FRMD5: variants seen among roughly 807,000 people sequenced by gnomAD.
FRMD5 encodes the protein FERM domain containing 5, also known as FERM domain-containing protein 5.
FRMD5 carries 20 observed loss-of-function variants against 69.0 expected under a neutral mutation model. That is an observed-to-expected ratio of 0.29 (90% CI 0.20 to 0.42). The LOEUF is 0.42. Among genes scored for constraint, FRMD5 ranks in the 10% least tolerant of loss-of-function variants. FRMD5 has a pLI of 1.00. For missense variants in FRMD5, 595 were observed against 708.6 expected (o/e 0.84, Z 1.82); for synonymous variants, 271 against 260.1 (o/e 1.04, Z -0.40).
At chr15:44,008,558 G>A (rs1890565663) in intron 1 of FRMD5, among the ~76,000 whole-genome samples, 3 of 151,868 alleles carry the variant, frequency 2.0e-5, no homozygotes, top group South Asian at 2.1e-4. Flanking sequence ...GAACCACCGC[G>A]CCCGGCCACA....
At chr15:44,146,433 T>C (rs1376617430) in intron 1 of FRMD5, among the ~76,000 whole-genome samples, 1 of 152,220 alleles carries the variant, frequency 6.6e-6, no homozygotes, top group Non-Finnish European at 1.5e-5. Flanking sequence ...TCTTCGCTAT[T>C]GTGACTAGTG....
chr15:43,948,976 T>C (rs2089987033), intron 1 of FRMD5, among the ~76,000 whole-genome samples: 1 of 152,250 alleles, frequency 6.6e-6, no homozygotes, highest in South Asian at 2.1e-4. Context: ...CTCATTAAGT[T>C]CAAATCATAT....
At chr15:43,875,390 A>G (rs113446973) in intron 13 of FRMD5, among the ~76,000 whole-genome samples, 6,601 of 124,480 alleles carry the variant, frequency 0.053, 714 homozygotes, top group African/African-American at 0.2. Flanking sequence ...ATATATATAT[A>G]TATGTATGTA....
chr15:43,880,265 GTC>G (rs1443779237), intron 13 of FRMD5, among the ~76,000 whole-genome samples: 1 of 152,198 alleles, frequency 6.6e-6, no homozygotes, highest in African/African-American at 2.4e-5. Context: ...AGAAAAGAAA[GTC>G]TTTGGTGGAG....
intron 1 of FRMD5, among the ~76,000 whole-genome samples, chr15:44,083,461 C>G (rs1894072412): frequency 6.6e-6 from 1 of 152,016 alleles, no homozygotes; most frequent in Non-Finnish European, 1.5e-5. Context: ...CATTCATAGT[C>G]TGGAACAATT....
chr15:44,079,626 C>G (rs1893915695), intron 1 of FRMD5, among the ~76,000 whole-genome samples: 1 of 152,098 alleles, frequency 6.6e-6, no homozygotes, highest in African/African-American at 2.4e-5. Flanking sequence ...CCCAAAAGAA[C>G]TGAAAGCAGG....
At chr15:43,912,252 C>T (rs2140423824) in intron 4 of FRMD5, among the ~76,000 whole-genome samples, 1 of 152,254 alleles carries the variant, frequency 6.6e-6, no homozygotes, top group East Asian at 1.9e-4. Flanking sequence ...AAGAACCCAT[C>T]CCCTCACTCC....
chr15:43,873,788 A>G lies in FRMD5; in HGVS notation c.*97T>C. 6.5e-7 allele frequency: 1 copy of G among 1,545,072 alleles called. No homozygotes were observed. Among genetic ancestry groups the G allele is most frequent in the Non-Finnish European group, 8.7e-7 (1 of 1,147,366 alleles). On this transcript the variant is annotated 3_prime_UTR_variant, in exon 14 of 14. Coordinates refer to ENST00000417257, the MANE Select transcript of FRMD5 (RefSeq NM_032892.5). Reference sequence around the variant, plus strand: ...TTGAGTCATGAGAGGAGGACTTGGTATATGTGCCGATGGTTCCGCGATGGG... The same window carrying G: ...TTGAGTCATGAGAGGAGGACTTGGTGTATGTGCCGATGGTTCCGCGATGGG...
At chr15:44,192,158 G>C (rs1307136394) in intron 1 of FRMD5, among the ~76,000 whole-genome samples, 1 of 151,766 alleles carries the variant, frequency 6.6e-6, no homozygotes, top group Non-Finnish European at 1.5e-5. Flanking sequence ...GGTAACTGTG[G>C]CAACCTTCAT....
intron 1 of FRMD5, among the ~76,000 whole-genome samples, chr15:43,973,454 G>A (rs922938500): frequency 1.0e-4 from 15 of 150,082 alleles, no homozygotes; most frequent in Admixed American, 2.7e-4. Context: ...TGGAACCTCC[G>A]CCTCCCAGGT....
chr15:43,976,901 G>A (rs547144156), intron 1 of FRMD5, among the ~76,000 whole-genome samples: 1 of 151,706 alleles, frequency 6.6e-6, no homozygotes, highest in Non-Finnish European at 1.5e-5. Flanking sequence ...CGTGATTTCA[G>A]CTCACTGCAA....
chr15:43,888,053 G>A (rs763697587), intron 10 of FRMD5, 122 bp downstream of exon 10: 1 of 688,882 alleles, frequency 1.5e-6, no homozygotes, highest in Non-Finnish European at 2.5e-6. Context: ...CTCAGTAACT[G>A]TCAAGCTCTT....
intron 1 of FRMD5, among the ~76,000 whole-genome samples, chr15:44,039,354 C>G (rs1892081748): frequency 6.6e-6 from 1 of 152,222 alleles, no homozygotes; most frequent in Non-Finnish European, 1.5e-5. Flanking sequence ...AAGTGGGTCC[C>G]TGACCCCTGT....
intron 1 of FRMD5, chr15:44,194,355 A>C: frequency 6.4e-6 from 1 of 155,884 alleles, no homozygotes; most frequent in Non-Finnish European, 1.4e-5. Flanking sequence ...AAATTTGGGG[A>C]TCAAAAGGCG....
rs572146674 is a variant in FRMD5 at position 43,898,765 on chromosome 15, C to T, written c.639+3410G>A. Among the ~76,000 whole-genome samples the T allele has an allele frequency of 2.6e-3, 393 of 152,288 alleles. 1 individual carries two copies. The highest frequency in any genetic ancestry group is 3.8e-3 in the Non-Finnish European group (256 of 68,022). On this transcript the variant is annotated intron_variant, in intron 7 of 13. Coordinates refer to ENST00000417257, the MANE Select transcript of FRMD5 (RefSeq NM_032892.5). Reference sequence around the variant, plus strand: ...CAGCTGTAGGCTTGGGCTGCTGGGGCTCCCGCCAGGAGTTGAGGGCTGAGG... The same window carrying T: ...CAGCTGTAGGCTTGGGCTGCTGGGGTTCCCGCCAGGAGTTGAGGGCTGAGG...
At chr15:44,000,459 A>ATT (rs758023840) in intron 1 of FRMD5, among the ~76,000 whole-genome samples, 9 of 138,480 alleles carry the variant, frequency 6.5e-5, no homozygotes, top group East Asian at 2.1e-4. Context: ...TGGTAGTTCT[A>ATT]TTTTTTTTTT....
chr15:44,038,095 C>A (rs1892005802), intron 1 of FRMD5, among the ~76,000 whole-genome samples: 1 of 152,100 alleles, frequency 6.6e-6, no homozygotes, highest in Admixed American at 6.5e-5. Context: ...ACATAAATGT[C>A]TTCTTTTGAG....
At chr15:44,094,329 C>A (rs2076519985) in intron 1 of FRMD5, among the ~76,000 whole-genome samples, 1 of 152,132 alleles carries the variant, frequency 6.6e-6, no homozygotes, top group African/African-American at 2.4e-5. Context: ...TTCCATTTGT[C>A]CCCTAATTCC....
At chr15:44,048,158 C>T (rs903222659) in intron 1 of FRMD5, among the ~76,000 whole-genome samples, 1 of 152,172 alleles carries the variant, frequency 6.6e-6, no homozygotes, top group Non-Finnish European at 1.5e-5. Flanking sequence ...TCCAAAGTGG[C>T]TATACCATTT....
Sources: allele counts gnomAD v4.1 joint callset (sites outside exome capture counted in the v4.1 genomes callset), GRCh38; gene constraint gnomAD v4.1.1; transcripts MANE v1.5; gene names NCBI Gene and HGNC (gene_info 2026-07-23, HGNC 2026-07-21).